The following COG3 variants were observed in gnomAD, a reference collection of about 807,000 sequenced individuals.
COG3 encodes conserved oligomeric Golgi complex subunit 3.
A neutral mutation model predicts 114.1 loss-of-function variants in COG3; 32 were observed. The observed-to-expected ratio is 0.28, with a 90% CI of 0.21 to 0.38. The LOEUF (loss-of-function observed/expected upper bound fraction) is 0.38, where lower values mean the gene tolerates loss of function less well. Ranked by LOEUF, COG3 falls within the 10% of genes least tolerant of loss-of-function variation. COG3 has a pLI of 1.00. For missense variants in COG3, 813 were observed against 973.2 expected, an observed-to-expected ratio of 0.84 and a Z score of 2.19; for synonymous variants, 352 against 365.7, an observed-to-expected ratio of 0.96 and a Z score of 0.43.
At chr13:45,524,520 G>T (rs531326314) in intron 19 of COG3, among the ~76,000 whole-genome samples, 1 of 152,256 alleles carries the variant, frequency 6.6e-6, no homozygotes, top group South Asian at 2.1e-4. Context: ...CATTCTCTCT[G>T]CCTGTGATAT....
intron 20 of COG3, among the ~76,000 whole-genome samples, chr13:45,528,058 A>G (rs1221126532): frequency 6.6e-6 from 1 of 152,208 alleles, no homozygotes; most frequent in Non-Finnish European, 1.5e-5. Flanking sequence ...ACCCAGGCCC[A>G]GGAATGTCCT....
chr13:45,505,554 C>T (rs995473441), intron 14 of COG3, among the ~76,000 whole-genome samples: 1 of 152,060 alleles, frequency 6.6e-6, no homozygotes, highest in Non-Finnish European at 1.5e-5. Flanking sequence ...ATCTGCCTGC[C>T]TTGGCCTCCT....
At chr13:45,481,524 T>G (rs1886247007) in intron 5 of COG3, among the ~76,000 whole-genome samples, 1 of 152,178 alleles carries the variant, frequency 6.6e-6, no homozygotes, top group African/African-American at 2.4e-5. Flanking sequence ...TTCTTGGTAT[T>G]AAAATCTCTT....
At chr13:45,482,268 T>C (rs1468880360) in intron 5 of COG3, 113 bp from the exon 6 acceptor site, 1 of 519,560 alleles carries the variant, frequency 1.9e-6, no homozygotes, top group Non-Finnish European at 3.3e-6. Context: ...TTAAAATTTA[T>C]TATAAAGACA....
chr13:45,486,301 AGACGG>A, intron 7 of COG3, among the ~76,000 whole-genome samples, 189 bp from the exon 8 acceptor site: 1 of 63,986 alleles, frequency 1.6e-5, no homozygotes, highest in Non-Finnish European at 2.9e-5. Context: ...GGGAGACGGG[AGACGG>A]GAGACGGGAG....
At chr13:45,513,810 G>A (rs1871233242) in intron 16 of COG3, among the ~76,000 whole-genome samples, 1 of 151,794 alleles carries the variant, frequency 6.6e-6, no homozygotes, top group South Asian at 2.1e-4. Context: ...CATGTCTAAT[G>A]TTAAGGAAAT....
At chr13:45,509,539 G>T (rs1870623040) in intron 14 of COG3, among the ~76,000 whole-genome samples, 153 bp from the exon 15 acceptor site, 3 of 152,098 alleles carry the variant, frequency 2.0e-5, no homozygotes, top group Non-Finnish European at 4.4e-5. Flanking sequence ...GATTTCTTAG[G>T]GTATTCTTGA....
At chr13:45,499,069 T>C (rs1235971700) in intron 13 of COG3, among the ~76,000 whole-genome samples, 1 of 152,130 alleles carries the variant, frequency 6.6e-6, no homozygotes, top group Non-Finnish European at 1.5e-5. Context: ...TCATTTCTAG[T>C]GGTGGATTAC....
chr13:45,518,434 A>G (rs1220120031), intron 17 of COG3, among the ~76,000 whole-genome samples: 1 of 152,266 alleles, frequency 6.6e-6, no homozygotes, highest in Non-Finnish European at 1.5e-5. Flanking sequence ...CTGGGTAAGT[A>G]TATGAGTATT....
chr13:45,482,001 T>A (rs1886275742), intron 5 of COG3, among the ~76,000 whole-genome samples: 1 of 152,144 alleles, frequency 6.6e-6, no homozygotes, highest in Non-Finnish European at 1.5e-5. Flanking sequence ...TGCTAGTTAA[T>A]CCTTTAATCT....
At chr13:45,496,687 T>G (rs2137841350) in intron 13 of COG3, among the ~76,000 whole-genome samples, 1 of 152,310 alleles carries the variant, frequency 6.6e-6, no homozygotes, top group South Asian at 2.1e-4. Context: ...TTTTTTTGTT[T>G]TTTTGAGATG....
Position 45,481,227 on chromosome 13 carries a change from A to G in COG3, c.550-3A>G, listed in dbSNP as rs375429877. 70 of 1,562,432 alleles carry G rather than the reference A, an allele frequency of 4.5e-5. No individual in the cohort carries two copies. Among genetic ancestry groups the G allele is most frequent in the Non-Finnish European group, 5.6e-5 (64 of 1,139,586 alleles). ...TTGATTTTTCTCTTTTAAAAAATGC[A>G]AGTCGGAACTTGTTGATCTGGCTGA... On this transcript the variant is annotated splice_polypyrimidine_tract_variant and splice_region_variant and intron_variant, in intron 4 of 22. Transcript: ENST00000349995.
chr13:45,489,974 A>G (rs1401917917), intron 8 of COG3, among the ~76,000 whole-genome samples: 1 of 152,192 alleles, frequency 6.6e-6, no homozygotes, highest in Non-Finnish European at 1.5e-5. Context: ...AAACATCCCA[A>G]ATAGGAAGGA....
intron 3 of COG3, among the ~76,000 whole-genome samples, chr13:45,479,817 G>A (rs947296928): frequency 2.6e-5 from 4 of 152,186 alleles, no homozygotes; most frequent in African/African-American, 9.7e-5. Flanking sequence ...GGTGCCTTGG[G>A]ATGGCTTTGG....
rs1887023144 is a variant in COG3 at position 45,491,651 on chromosome 13, G to T, written c.1095+113G>T. ...TTGGGGCCCATAGTTAACTGAAAAA[G>T]CATGTTTTTCATTATGACAAATCTA... On this transcript the variant is annotated intron_variant, in intron 10 of 22. Transcript: ENST00000349995. 4 of 992,358 alleles carry T rather than the reference G, an allele frequency of 4.0e-6. No homozygotes were observed. The East Asian group carries it at 8.3e-5, about 21-fold the overall frequency. 61.5% of individuals were successfully genotyped at this position (992,358 alleles called of 1,614,324 possible).
At position 45,492,218 on chromosome 13, in the gene COG3, T is replaced by G; in HGVS notation, c.1155T>G (p.Asn385Lys). 1 of 1,608,948 alleles carries G rather than the reference T, an allele frequency of 6.2e-7. No individual in the cohort carries two copies. Among genetic ancestry groups the G allele is most frequent in the East Asian group, 2.3e-5 (1 of 44,436 alleles). The change falls in exon 11 of 23, where the codon AAT (asparagine) becomes AAG (lysine). Residue 385 changes from asparagine to lysine, a missense_variant. Physicochemically the swap from Asn to Lys is moderately conservative, Grantham distance 94. Around this residue, in one of 2 missense-constraint regions of COG3, gnomAD observed 389 missense variants for 542.6 expected, o/e 0.72. Transcript: ENST00000349995. ...GCCAGGATGAACACCAACTTTACAATGAATTTTTCACAAAACCAACATCAA... is the reference window on the plus strand; with the variant it reads ...GCCAGGATGAACACCAACTTTACAAGGAATTTTTCACAAAACCAACATCAA... ...HVCQDEHQLY[N>K]EFFTKPTSKL...
rs142894239 is a variant in COG3 at position 45,480,765 on chromosome 13, C to T, written c.550-465C>T. Among the ~76,000 whole-genome samples, 1,103 of 152,152 alleles carry T rather than the reference C, an allele frequency of 7.2e-3. 54 individuals are homozygous for T. Among genetic ancestry groups the T allele is most frequent in the Admixed American group, 0.067 (1,024 of 15,280 alleles). On this transcript the variant is annotated intron_variant, in intron 4 of 22. Coordinates refer to ENST00000349995, the MANE Select transcript of COG3 (RefSeq NM_031431.4). ...ATTTTTAGTAGAGACAGAGTTTCAC[C>T]ATGTTGGCTAGGCTGGTCTCAAACT...
At position 45,534,819 on chromosome 13, in the gene COG3, A is replaced by G; in HGVS notation, c.*88A>G. 4.2e-6 allele frequency: 6 copies of G among 1,424,398 alleles called. No individual in the cohort carries two copies. The South Asian group carries it at 6.3e-5, about 15-fold the overall frequency. The allele number at this position is 1,424,398 out of a possible 1,614,324, so 88.2% of individuals were successfully genotyped here. A position where few individuals can be genotyped will look rare whatever the true frequency, so the allele number is the denominator to read the frequency against. On this transcript the variant is annotated 3_prime_UTR_variant, in exon 23 of 23. Transcript: ENST00000349995. The stretch of plus-strand genomic sequence containing the variant: ...AGTCTGCAGGACACCGAGGAATCGT[A>G]TGTGGGAACGTCCCCGAGAACCACA...
At position 45,529,897 on chromosome 13, in the gene COG3, C is replaced by T; in HGVS notation, c.2337C>T (p.Phe779=). 6.2e-7 allele frequency: 1 copy of T among 1,611,000 alleles called. No individual in the cohort carries two copies. Among genetic ancestry groups the T allele is most frequent in the South Asian group, 1.1e-5 (1 of 90,054 alleles). The stretch of plus-strand genomic sequence containing the variant: ...ACCTATCCAATAAAGATACCGAGTT[C>T]ATCTTGTTTAAACCTGTGAGGGTGA... ...SLYLSNKDTE[F]ILFKPVRNNI... The change falls in exon 21 of 23, where the codon TTC becomes TTT. Residue 779 remains phenylalanine, a synonymous_variant. Coordinates refer to ENST00000349995, the MANE Select transcript of COG3 (RefSeq NM_031431.4).
Sources: allele counts gnomAD v4.1 joint callset (sites outside exome capture counted in the v4.1 genomes callset), GRCh38; gene constraint gnomAD v4.1.1; regional missense constraint gnomAD v4.1.1; transcripts MANE v1.5; gene names NCBI Gene and HGNC (gene_info 2026-07-23, HGNC 2026-07-21).